POLR3F: variants seen among roughly 807,000 people sequenced by gnomAD.
The protein encoded by POLR3F is RNA polymerase III subunit F.
POLR3F carries 31 observed loss-of-function variants against 43.6 expected under a neutral mutation model. The ratio of observed to expected loss-of-function variants is 0.71; its 90% CI spans 0.53 to 0.96. POLR3F has a LOEUF of 0.96. Ranked by LOEUF, POLR3F falls within the 40% of genes least tolerant of loss-of-function variation. The pLI is 0.00. For missense variants in POLR3F, 316 were observed against 391.7 expected, an observed-to-expected ratio of 0.81 and a Z score of 1.63; for synonymous variants, 114 against 132.5, an observed-to-expected ratio of 0.86 and a Z score of 0.96.
At position 18,481,632 on chromosome 20, in the gene POLR3F, TG is replaced by T; in HGVS notation, c.697del (p.Glu233LysfsTer7). The T allele has an allele frequency of 6.2e-7, 1 of 1,606,082 alleles. No individual in the cohort carries two copies. Among genetic ancestry groups the T allele is most frequent in the African/African-American group, 1.3e-5 (1 of 74,922 alleles). The part of the protein sequence containing the change: ...ELGISKVELS[M>X]EDIETILNTL... ...TCCCTTTTTTAGGTAGAGTTATCCA[TG>T]GAAGACATTGAAACCATCCTGAATA... On this transcript the variant is annotated frameshift_variant, in exon 8 of 9. Coordinates refer to ENST00000377603, the MANE Select transcript of POLR3F (RefSeq NM_006466.4). LOFTEE classifies it high-confidence loss of function.
rs751379574 is a variant in POLR3F, at chr20:18,467,473, A to G, written c.-34A>G. ...GGCTTGCTACCGGGCTGCTCCGTGCATCTTTCCCCCCAGGCGTCAGGAACT... is the reference window on the plus strand; with the variant it reads ...GGCTTGCTACCGGGCTGCTCCGTGCGTCTTTCCCCCCAGGCGTCAGGAACT... On this transcript the variant is annotated 5_prime_UTR_variant, in exon 1 of 9. Transcript: ENST00000377603. 5 of 1,613,574 alleles carry G rather than the reference A, an allele frequency of 3.1e-6. No individual in the cohort carries two copies. In the South Asian group the frequency reaches 5.5e-5, roughly 18 times the overall value.
In POLR3F at chr20:18,483,509, A is replaced by G. The variant is rs1332909878; in HGVS notation, c.902A>G (p.Glu301Gly). 1 of 1,534,560 alleles carries G rather than the reference A, an allele frequency of 6.5e-7. No individual in the cohort carries two copies. Among genetic ancestry groups the G allele is most frequent in the East Asian group, 2.3e-5 (1 of 43,784 alleles). The change falls in exon 9 of 9, where the codon GAG becomes GGG. Residue 301 changes from glutamate to glycine, a missense_variant. Transcript: ENST00000377603. Reference protein sequence around the residue: ...PVFDDCHEGGEISPSNCIYMT... With the variant: ...PVFDDCHEGGGISPSNCIYMT... ...TTTGATGACTGCCACGAAGGTGGTG[A>G]GATTTCACCATCTAACTGTATTTAC...
intron 5 of POLR3F, among the ~76,000 whole-genome samples, chr20:18,477,277 C>G (rs2059785677): frequency 6.6e-6 from 1 of 151,984 alleles, no homozygotes; most frequent in South Asian, 2.1e-4. Flanking sequence ...ATTAGAATAG[C>G]TAAAATCTAA....
At chr20:18,473,655 T>C (rs1254000948) in intron 4 of POLR3F, among the ~76,000 whole-genome samples, 197 bp downstream of exon 4, 1 of 152,064 alleles carries the variant, frequency 6.6e-6, no homozygotes, top group Admixed American at 6.5e-5. Context: ...AGACAAGAAC[T>C]AAAGGGCTGT....
chr20:18,477,253 A>G (rs1456191514), intron 5 of POLR3F, among the ~76,000 whole-genome samples: 1 of 152,202 alleles, frequency 6.6e-6, no homozygotes, highest in Non-Finnish European at 1.5e-5. Context: ...ATAGTGAGAT[A>G]CCACTACACA....
chr20:18,471,733 A>C (rs2059752651), intron 2 of POLR3F, among the ~76,000 whole-genome samples: 1 of 152,246 alleles, frequency 6.6e-6, no homozygotes, highest in Non-Finnish European at 1.5e-5. Context: ...CAGTAATCCC[A>C]GCACTTTGGG....
At chr20:18,474,985 C>A (rs1172199913) in intron 4 of POLR3F, 90 bp from the exon 5 acceptor site, 3 of 637,736 alleles carry the variant, frequency 4.7e-6, no homozygotes, top group Non-Finnish European at 2.8e-6. Flanking sequence ...CTTTATACTG[C>A]TAGCTTTGGA....
Position 18,475,265 on chromosome 20 carries a change from G to T in POLR3F, c.429+78G>T, listed in dbSNP as rs906592908. 3 of 634,022 alleles carry T rather than the reference G, an allele frequency of 4.7e-6. No homozygotes were observed. The African/African-American group carries it at 5.6e-5, about 12-fold the overall frequency. 39.3% of individuals were successfully genotyped at this position (634,022 alleles called of 1,614,324 possible). ...ATTCTTGAAGTTATGTCATGATTTA[G>T]AACAGCTGGTCAAAAAAGACTTAAA... On this transcript the variant is annotated intron_variant, in intron 5 of 8. Coordinates refer to ENST00000377603, the MANE Select transcript of POLR3F (RefSeq NM_006466.4).
At position 18,483,542 on chromosome 20, in the gene POLR3F, A is replaced by G. The variant is rs1205526085; in HGVS notation, c.935A>G (p.Glu312Gly). ...CCATCTAACTGTATTTACATGACAGAGTGGCTCGAATTTTAATAGAGAGCT... is the reference window on the plus strand; with the variant it reads ...CCATCTAACTGTATTTACATGACAGGGTGGCTCGAATTTTAATAGAGAGCT... ...ISPSNCIYMT[E>G]WLEF The change falls in exon 9 of 9, where the codon GAG (glutamate) becomes GGG (glycine). Residue 312 changes from glutamate (E) to glycine (G), a missense_variant. By Grantham distance (98) the Glu-to-Gly change is moderately conservative. Transcript: ENST00000377603. The G allele has an allele frequency of 6.7e-7, 1 of 1,495,954 alleles. No homozygotes were observed. 92.7% of individuals were successfully genotyped at this position (1,495,954 alleles called of 1,614,324 possible).
intron 5 of POLR3F, 32 bp from the exon 6 acceptor site, chr20:18,480,006 T>C (rs752697673): frequency 6.5e-6 from 10 of 1,533,908 alleles, no homozygotes; most frequent in Non-Finnish European, 8.8e-6. Flanking sequence ...TGTTATCTTA[T>C]AAACACATGA....
chr20:18,474,363 TGAG>T (rs1400154826), intron 4 of POLR3F, among the ~76,000 whole-genome samples: 2 of 152,112 alleles, frequency 1.3e-5, no homozygotes, highest in Non-Finnish European at 2.9e-5. Context: ...TTGTCCCACT[TGAG>T]GATGGCAGTT....
intron 2 of POLR3F, 23 bp downstream of exon 2, chr20:18,469,084 G>A: frequency 9.8e-7 from 1 of 1,021,216 alleles, no homozygotes; most frequent in Non-Finnish European, 1.6e-6. Context: ...TAACTATTTT[G>A]CATAATTACT....
rs977609693 is a variant in POLR3F at position 18,484,101 on chromosome 20, G to A, written c.*543G>A. ...GGGGAGAGTGGAACATGCCTTTTCC[G>A]CACAATATTAATTCCTTTTTGTATC... On this transcript the variant is annotated 3_prime_UTR_variant, in exon 9 of 9. Transcript: ENST00000377603. 2.0e-5 allele frequency: 8 copies of A among 398,144 alleles called. No individual in the cohort carries two copies. The highest frequency in any genetic ancestry group is 6.2e-5 in the African/African-American group (3 of 48,536). The allele number at this position is 398,144 out of a possible 1,614,324, so 24.7% of individuals were successfully genotyped here.
At position 18,483,570 on chromosome 20, in the gene POLR3F, G is replaced by T; in HGVS notation, c.*12G>T. On this transcript the variant is annotated 3_prime_UTR_variant, in exon 9 of 9. Coordinates refer to ENST00000377603, the MANE Select transcript of POLR3F (RefSeq NM_006466.4). ...GGCTCGAATTTTAATAGAGAGCTATGAACTTTATTGACATTTTGCAAATGA... is the reference window on the plus strand; with the variant it reads ...GGCTCGAATTTTAATAGAGAGCTATTAACTTTATTGACATTTTGCAAATGA... 5 of 1,205,726 alleles carry T rather than the reference G, an allele frequency of 4.1e-6. No homozygotes were observed. Among genetic ancestry groups the T allele is most frequent in the South Asian group, 3.1e-5 (2 of 64,918 alleles). The allele number at this position is 1,205,726 out of a possible 1,614,324, so 74.7% of individuals were successfully genotyped here. A position where few individuals can be genotyped will look rare whatever the true frequency, so the allele number is the denominator to read the frequency against.
In POLR3F at chr20:18,481,850, G is replaced by A. The variant is rs573192477; in HGVS notation, c.873+40G>A. The stretch of plus-strand genomic sequence containing the variant: ...CTTCACTTTACACTTGACTGCCCAC[G>A]GGTGCAAGTGCCACATTAAGAAACA... On this transcript the variant is annotated intron_variant, in intron 8 of 8. Transcript: ENST00000377603. 4.4e-5 allele frequency: 55 copies of A among 1,247,516 alleles called. No homozygotes were observed. Among genetic ancestry groups the A allele is most frequent in the Admixed American group, 5.5e-5 (3 of 54,506 alleles). 77.3% of individuals were successfully genotyped at this position (1,247,516 alleles called of 1,614,324 possible). A position where few individuals can be genotyped will look rare whatever the true frequency, so the allele number is the denominator to read the frequency against.
At chr20:18,475,884 AATT>A (rs1460505365) in intron 5 of POLR3F, among the ~76,000 whole-genome samples, 2 of 152,222 alleles carry the variant, frequency 1.3e-5, no homozygotes, top group Non-Finnish European at 2.9e-5. Context: ...GAATTATAAG[AATT>A]ATAACATCAC....
intron 5 of POLR3F, among the ~76,000 whole-genome samples, chr20:18,477,706 A>C (rs2059787909): frequency 1.3e-5 from 2 of 152,260 alleles, no homozygotes; most frequent in Non-Finnish European, 2.9e-5. Context: ...CTGTATGATT[A>C]CAACTATATG....
In POLR3F at chr20:18,481,723, T is replaced by A; in HGVS notation, c.786T>A (p.Ser262Arg). 1 of 1,613,214 alleles carries A rather than the reference T, an allele frequency of 6.2e-7. No homozygotes were observed. Among genetic ancestry groups the A allele is most frequent in the Non-Finnish European group, 8.5e-7 (1 of 1,179,182 alleles). ...IIAAKEGTVG[S>R]VDGHMKLYRA... ...CTGCAAAAGAAGGCACAGTTGGCAG[T>A]GTAGATGGACACATGAAACTGTACA... is the stretch of plus-strand genomic sequence containing the variant. The change falls in exon 8 of 9, where the codon AGT becomes AGA. Residue 262 changes from serine (S) to arginine (R), a missense_variant. Coordinates refer to ENST00000377603, the MANE Select transcript of POLR3F (RefSeq NM_006466.4).
In POLR3F at chr20:18,480,369, T is replaced by G. The variant is rs1231340958; in HGVS notation, c.574-33T>G. 3 of 1,446,172 alleles carry G rather than the reference T, an allele frequency of 2.1e-6. 1 individual carries two copies. In the South Asian group the frequency reaches 3.5e-5, roughly 17 times the overall value. The allele number at this position is 1,446,172 out of a possible 1,614,324, so 89.6% of individuals were successfully genotyped here. ...GTATTCAGAAAACACACCAATATTC[T>G]TATTTACATTTCTTATGTTTCAATC... On this transcript the variant is annotated intron_variant, in intron 6 of 8. Coordinates refer to ENST00000377603, the MANE Select transcript of POLR3F (RefSeq NM_006466.4).
Sources: allele counts gnomAD v4.1 joint callset (sites outside exome capture counted in the v4.1 genomes callset), GRCh38; gene constraint gnomAD v4.1.1; transcripts MANE v1.5; gene names NCBI Gene and HGNC (gene_info 2026-07-23, HGNC 2026-07-21).